SLC12A4: variants seen among roughly 807,000 people sequenced by gnomAD.
SLC12A4 encodes the protein electroneutral potassium-chloride cotransporter 1.
SLC12A4 carries 84 observed loss-of-function variants against 119.2 expected under a neutral mutation model. That is an observed-to-expected ratio of 0.70 (90% CI 0.59 to 0.85). The LOEUF is 0.85. Among genes scored for constraint, SLC12A4 ranks in the 40% least tolerant of loss-of-function variants. SLC12A4 has a pLI of 0.00. For missense variants in SLC12A4, 1,298 were observed against 1,476.3 expected, an observed-to-expected ratio of 0.88 and a Z score of 1.98; for synonymous variants, 599 against 604.6, an observed-to-expected ratio of 0.99 and a Z score of 0.14.
At chr16:67,968,688 C>T (rs1043028983), upstream of SLC12A4, 2 of 1,247,618 alleles carry the variant, frequency 1.6e-6, no homozygotes, top group African/African-American at 1.6e-5. Context: ...TCCGCCCGCC[C>T]CCCGGGCCGC....
At chr16:67,963,188 G>A in intron 2 of SLC12A4, 1 of 199,238 alleles carries the variant, frequency 5.0e-6, no homozygotes, top group Non-Finnish European at 1.0e-5. Context: ...CCTGAGTTGG[G>A]AAATCCTAAG....
chr16:67,957,470 T>G, intron 5 of SLC12A4: 3 of 432,858 alleles, frequency 6.9e-6, no homozygotes, highest in South Asian at 5.3e-5. Flanking sequence ...CGCCTGGCCT[T>G]TTTTTGCACT....
chr16:67,967,995 G>C (rs2030936316), intron 1 of SLC12A4, among the ~76,000 whole-genome samples: 1 of 152,174 alleles, frequency 6.6e-6, no homozygotes, highest in African/African-American at 2.4e-5. Flanking sequence ...CACACGGAGG[G>C]GTTTGGGCAG....
rs1157548777 is a variant in SLC12A4 at position 67,968,593 on chromosome 16, C to T, written c.-40G>A. 1 of 1,404,524 alleles carries T rather than the reference C, an allele frequency of 7.1e-7. No individual in the cohort carries two copies. The allele number at this position is 1,404,524 out of a possible 1,614,324, so 87.0% of individuals were successfully genotyped here. On this transcript the variant is annotated 5_prime_UTR_variant, in exon 1 of 24. Transcript: ENST00000316341. The stretch of plus-strand genomic sequence containing the variant: ...CCCGCCGCACCCGCCGTCCCAGCCG[C>T]CCGCCGCTGTCCCCGCCGCTGTCCC...
chr16:67,947,884 G>GCCCAGGCTGGTCTCAAACTCCT, intron 14 of SLC12A4, 96 bp from the exon 15 acceptor site: 2 of 1,517,352 alleles, frequency 1.3e-6, no homozygotes, highest in Non-Finnish European at 1.8e-6. Flanking sequence ...GTCCCGGGTG[G>GCCCAGGCTGGTCTCAAACTCCT]GAGGTCCCAG....
chr16:67,959,523 G>A (rs547319783), intron 3 of SLC12A4, among the ~76,000 whole-genome samples: 5 of 152,170 alleles, frequency 3.3e-5, no homozygotes, highest in South Asian at 2.1e-4. Context: ...ACCTGTGAGC[G>A]ACCTAAAGGA....
At position 67,950,225 on chromosome 16, in the gene SLC12A4, G is replaced by A. The variant is rs531823499; in HGVS notation, c.1629+94C>T. On this transcript the variant is annotated intron_variant, in intron 12 of 23. Coordinates refer to ENST00000316341, the MANE Select transcript of SLC12A4 (RefSeq NM_005072.5). This position sits in a 1 kb window ranked among gnomAD's most constrained non-coding sequence, Gnocchi z 4.3. ...CGCCTGGCCCCGGGGGCCAATAAGG[G>A]CAGGACGTGCTGCATCTGTGTTCCC... is the stretch of plus-strand genomic sequence containing the variant. 1 of 1,456,610 alleles carries A rather than the reference G, an allele frequency of 6.9e-7. No homozygotes were observed. Among genetic ancestry groups the A allele is most frequent in the South Asian group, 1.3e-5 (1 of 76,910 alleles). 90.2% of individuals were successfully genotyped at this position (1,456,610 alleles called of 1,614,324 possible).
intron 1 of SLC12A4, among the ~76,000 whole-genome samples, chr16:67,967,627 C>A (rs896941733): frequency 6.6e-6 from 1 of 152,092 alleles, no homozygotes; most frequent in Non-Finnish European, 1.5e-5. Flanking sequence ...TGGAGAGACG[C>A]GGGCACCTGG....
At chr16:67,962,515 A>G (rs2030636474) in intron 2 of SLC12A4, 1 of 152,270 alleles carries the variant, frequency 6.6e-6, no homozygotes, top group African/African-American at 2.4e-5. Flanking sequence ...GGTGTGAGAA[A>G]GGAAGACGAG....
chr16:67,952,116 G>C (rs1323616449), intron 7 of SLC12A4, 68 bp downstream of exon 7: 2 of 1,609,740 alleles, frequency 1.2e-6, no homozygotes, highest in African/African-American at 2.7e-5. Context: ...TGGGATCTGG[G>C]GCATCAAAGG....
At chr16:67,948,909 G>C (rs556393973) in intron 13 of SLC12A4, among the ~76,000 whole-genome samples, 3 of 152,320 alleles carry the variant, frequency 2.0e-5, no homozygotes, top group African/African-American at 7.2e-5. Flanking sequence ...AGCCTGCTCA[G>C]GGGTACAGGG....
rs1299942447 is a variant in SLC12A4, at chr16:67,944,279, C to T, written c.*561G>A. 1.1e-5 allele frequency: 15 copies of T among 1,415,918 alleles called. No homozygotes were observed. Among genetic ancestry groups the T allele is most frequent in the South Asian group, 4.7e-5 (3 of 63,852 alleles). 87.7% of individuals were successfully genotyped at this position (1,415,918 alleles called of 1,614,324 possible). ...CCGGCTCTGGGCCTGGGTTCAGTTC[C>T]GCCTTCTTCTCTTGGCGCCAGGGGA... is the stretch of plus-strand genomic sequence containing the variant. On this transcript the variant is annotated 3_prime_UTR_variant, in exon 24 of 24. Coordinates refer to ENST00000316341, the MANE Select transcript of SLC12A4 (RefSeq NM_005072.5). The surrounding 1 kb of genome is among the most constrained non-coding windows in gnomAD (Gnocchi z 6.6).
chr16:67,966,092 C>T (rs1248169700), intron 1 of SLC12A4, among the ~76,000 whole-genome samples: 1 of 152,186 alleles, frequency 6.6e-6, no homozygotes, highest in African/African-American at 2.4e-5. Context: ...CCCAGACCTT[C>T]CCCCGTGTGA....
intron 3 of SLC12A4, among the ~76,000 whole-genome samples, 192 bp downstream of exon 3, chr16:67,961,383 C>A (rs986884643): frequency 6.6e-6 from 1 of 152,160 alleles, no homozygotes; most frequent in African/African-American, 2.4e-5. Context: ...CCCTCTGCCC[C>A]CCGGGGGGAT....
In SLC12A4 at chr16:67,943,840, C is replaced by G; in HGVS notation, c.*1000G>C. ...CCCACACCAGGGCAGGTACTTATGT[C>G]GGGGCTTATGCAGGGCAGAAGGGCT... On this transcript the variant is annotated 3_prime_UTR_variant, in exon 24 of 24. Transcript: ENST00000316341. The surrounding 1 kb of genome is among the most constrained non-coding windows in gnomAD (Gnocchi z 4.6). The G allele has an allele frequency of 9.2e-7, 1 of 1,083,712 alleles. No individual in the cohort carries two copies. The highest frequency in any genetic ancestry group is 1.3e-6 in the Non-Finnish European group (1 of 765,142). 67.1% of individuals were successfully genotyped at this position (1,083,712 alleles called of 1,614,324 possible). A position where few individuals can be genotyped will look rare whatever the true frequency, so the allele number is the denominator to read the frequency against.
intron 1 of SLC12A4, among the ~76,000 whole-genome samples, chr16:67,966,427 C>G (rs1159876556): frequency 6.6e-6 from 1 of 152,274 alleles, no homozygotes; most frequent in Non-Finnish European, 1.5e-5. Context: ...CCCAGTAAAT[C>G]TGAATATGGC....
In SLC12A4 at chr16:67,945,977, C is replaced by T. The variant is rs200160814; in HGVS notation, c.2713G>A (p.Glu905Lys). 2 of 1,613,876 alleles carry T rather than the reference C, an allele frequency of 1.2e-6. No homozygotes were observed. The highest frequency in any genetic ancestry group is 3.3e-5 in the Admixed American group (2 of 60,022). ...LAVFLYHLRL[E>K]AEVEVVEMHN... ...ATCTCCACCACCTCCACCTCGGCCT[C>T]AAGGCGCAGATGGTACAGAAAGACA... The change falls in exon 20 of 24, where the codon GAG becomes AAG. Residue 905 changes from glutamate to lysine, a missense_variant. Glu to Lys is a moderately conservative substitution (Grantham distance 56). Coordinates refer to ENST00000316341, the MANE Select transcript of SLC12A4 (RefSeq NM_005072.5).
In SLC12A4 at chr16:67,947,355, C is replaced by T. The variant is rs772357906; in HGVS notation, c.2048G>A (p.Gly683Glu). Residue 683 changes from glycine (G) to glutamate (E), a missense_variant, in exon 16 of 24, where the codon GGG becomes GAG. Transcript: ENST00000316341. ...CCGCCAGTTCTTGGTGTGAGGAGGC[C>T]CCTCCTCCAGCCGCAACAGCGCGTA... ...ARYALLRLEE[G>E]PPHTKNWRPQ... 3 of 1,612,306 alleles carry T rather than the reference C, an allele frequency of 1.9e-6. No homozygotes were observed. The highest frequency in any genetic ancestry group is 2.5e-6 in the Non-Finnish European group (3 of 1,179,680).
intron 15 of SLC12A4, 97 bp downstream of exon 15, chr16:67,947,572 G>C: frequency 6.6e-7 from 1 of 1,516,974 alleles, no homozygotes; most frequent in Non-Finnish European, 8.9e-7. Context: ...TGGCACCCAC[G>C]GTGGCCCAGC....
Sources: allele counts gnomAD v4.1 joint callset (sites outside exome capture counted in the v4.1 genomes callset), GRCh38; gene constraint gnomAD v4.1.1; non-coding constraint Gnocchi (gnomAD v3.1); transcripts MANE v1.5; gene names NCBI Gene and HGNC (gene_info 2026-07-23, HGNC 2026-07-21).